SLC6A19: variants seen among roughly 807,000 people sequenced by gnomAD.
SLC6A19 encodes the protein sodium-dependent neutral amino acid transporter B(0)AT1.
A neutral mutation model predicts 68.3 loss-of-function variants in SLC6A19; 67 were observed. That is an observed-to-expected ratio of 0.98 (90% CI 0.81 to 1.20). The LOEUF is 1.20. SLC6A19 is among the 50% of genes most tolerant of loss of function. The pLI, the probability that SLC6A19 is intolerant of heterozygous loss-of-function variation, is 0.00. For synonymous variants in SLC6A19, 392 were observed against 374.9 expected (o/e 1.05, Z -0.53); for missense variants, 813 against 851.6 (o/e 0.95, Z 0.56).
Position 1,221,848 on chromosome 5 carries a change from C to T in SLC6A19, c.1849C>T (p.Gln617Ter). Reference sequence around the variant, plus strand: ...CCACTGCCAGAAGCCAGGGGACCATCAGGGGCTGGTGAGCACACTGTCCAC... The same window carrying T: ...CCACTGCCAGAAGCCAGGGGACCATTAGGGGCTGGTGAGCACACTGTCCAC... Reference protein sequence around the residue: ...RNHCQKPGDHQGLVSTLSTAS... With the variant: ...RNHCQKPGDH The change falls in exon 12 of 12, where the codon CAG becomes TAG. Residue 617 changes from glutamine to a stop codon, truncating the protein, a stop_gained. Coordinates refer to ENST00000304460, the MANE Select transcript of SLC6A19 (RefSeq NM_001003841.3). LOFTEE classifies it high-confidence loss of function. 1 of 1,614,198 alleles carries T rather than the reference C, an allele frequency of 6.2e-7. No homozygotes were observed. The highest frequency in any genetic ancestry group is 8.5e-7 in the Non-Finnish European group (1 of 1,180,036).
At chr5:1,221,591 G>T in intron 11 of SLC6A19, 110 bp from the exon 12 acceptor site, 5 of 1,386,742 alleles carry the variant, frequency 3.6e-6, no homozygotes, top group Non-Finnish European at 4.0e-6. Flanking sequence ...AGGCCACCCT[G>T]CCTGCCCCAC....
rs770197213 is a variant in SLC6A19, at chr5:1,221,699, A to G, written c.1702-2A>G. ...TACTCACCCATGGGGCTCTCTCCCC[A>G]GGAGGAATTTCCCAAATCCCAGAAG... On this transcript the variant is annotated splice_acceptor_variant, in intron 11 of 11. Transcript: ENST00000304460. LOFTEE classifies it high-confidence loss of function. 1.9e-6 allele frequency: 3 copies of G among 1,613,912 alleles called. No individual in the cohort carries two copies. Among genetic ancestry groups the G allele is most frequent in the Non-Finnish European group, 2.5e-6 (3 of 1,179,862 alleles).
In SLC6A19 at chr5:1,212,236, C is replaced by G. The variant is rs1364421444; in HGVS notation, c.482-67C>G. The G allele has an allele frequency of 2.5e-6, 4 of 1,599,166 alleles. No individual in the cohort carries two copies. Among genetic ancestry groups the G allele is most frequent in the Non-Finnish European group, 3.4e-6 (4 of 1,174,140 alleles). On this transcript the variant is annotated intron_variant, in intron 3 of 11. Transcript: ENST00000304460. This position sits in a 1 kb window ranked among gnomAD's most constrained non-coding sequence, Gnocchi z 5.1. ...AACGTGGCTGGCATTTCTTCCAGCTCAGGGCCTTCCATTCTCCTCCCTTGG... is the reference window on the plus strand; with the variant it reads ...AACGTGGCTGGCATTTCTTCCAGCTGAGGGCCTTCCATTCTCCTCCCTTGG...
At chr5:1,210,379 G>T in intron 2 of SLC6A19, 65 bp from the exon 3 acceptor site, 2 of 1,603,126 alleles carry the variant, frequency 1.2e-6, no homozygotes, top group South Asian at 1.1e-5. Flanking sequence ...CCTGCTCAGA[G>T]TGGGGATGGG....
At position 1,210,304 on chromosome 5, in the gene SLC6A19, T is replaced by G; in HGVS notation, c.344-140T>G. ...TCAGCTGCATGATCCCGGCCTGCACTGGGTCGGCCCCTCAGATTCTGGAGT... is the reference window on the plus strand; with the variant it reads ...TCAGCTGCATGATCCCGGCCTGCACGGGGTCGGCCCCTCAGATTCTGGAGT... On this transcript the variant is annotated intron_variant, in intron 2 of 11. Coordinates refer to ENST00000304460, the MANE Select transcript of SLC6A19 (RefSeq NM_001003841.3). The G allele has an allele frequency of 1.1e-5, 13 of 1,235,250 alleles. No homozygotes were observed. The South Asian group carries it at 1.3e-4, about 13-fold the overall frequency. The allele number at this position is 1,235,250 out of a possible 1,614,324, so 76.5% of individuals were successfully genotyped here. A position where few individuals can be genotyped will look rare whatever the true frequency, so the allele number is the denominator to read the frequency against.
At chr5:1,207,038 T>C (rs1745873035) in intron 1 of SLC6A19, among the ~76,000 whole-genome samples, 1 of 152,212 alleles carries the variant, frequency 6.6e-6, no homozygotes, top group Non-Finnish European at 1.5e-5. Context: ...CGACGGGAGC[T>C]GCTTCCGCGT....
rs1579516115 is a variant in SLC6A19, at chr5:1,216,837, G to A, written c.1065G>A (p.Val355=). The stretch of plus-strand genomic sequence containing the variant: ...GGTTCGACCTGCCTGAAGGCAACGT[G>A]ACCCAGGAGAACTTTGTGGACATGC... ...INGFDLPEGN[V]TQENFVDMQQ... The change falls in exon 8 of 12, where the codon GTG becomes GTA. Residue 355 remains valine, a synonymous_variant. Transcript: ENST00000304460. The A allele has an allele frequency of 6.2e-7, 1 of 1,613,808 alleles. No homozygotes were observed. The highest frequency in any genetic ancestry group is 8.5e-7 in the Non-Finnish European group (1 of 1,180,034).
chr5:1,210,702 AG>A (rs1746001251), intron 3 of SLC6A19, 121 bp downstream of exon 3: 1 of 1,423,650 alleles, frequency 7.0e-7, no homozygotes, highest in Admixed American at 1.9e-5. Flanking sequence ...CCAAGGCAAC[AG>A]GGTGTCAAAA....
chr5:1,208,093 T>C (rs1337027676), intron 1 of SLC6A19, among the ~76,000 whole-genome samples: 1 of 152,178 alleles, frequency 6.6e-6, no homozygotes, highest in Non-Finnish European at 1.5e-5. Flanking sequence ...CATGTACAAT[T>C]CAGTGGTATT....
rs1025078570 is a variant in SLC6A19 at position 1,223,358 on chromosome 5, C to G, written c.*1454C>G. 1.3e-5 allele frequency: 2 copies of G among 152,290 alleles called. No individual in the cohort carries two copies. Among genetic ancestry groups the G allele is most frequent in the Admixed American group, 1.3e-4 (2 of 15,288 alleles). 9.4% of individuals were successfully genotyped at this position (152,290 alleles called of 1,614,324 possible). A position where few individuals can be genotyped will look rare whatever the true frequency, so the allele number is the denominator to read the frequency against. On this transcript the variant is annotated 3_prime_UTR_variant, in exon 12 of 12. Transcript: ENST00000304460. ...GGAAAAGATGGGTTACAGGGTAACTCAACCCTGGCTGCCATCCTTGGGCAC... is the reference window on the plus strand; with the variant it reads ...GGAAAAGATGGGTTACAGGGTAACTGAACCCTGGCTGCCATCCTTGGGCAC...
intron 8 of SLC6A19, among the ~76,000 whole-genome samples, chr5:1,218,222 T>G (rs1345967640): frequency 6.6e-6 from 1 of 152,198 alleles, no homozygotes; most frequent in Non-Finnish European, 1.5e-5. Flanking sequence ...TAAGCGGCCG[T>G]GGAGGACCCT....
rs772309142 is a variant in SLC6A19 at position 1,213,454 on chromosome 5, C to T, written c.664-9C>T. The T allele has an allele frequency of 2.5e-6, 4 of 1,595,406 alleles. No homozygotes were observed. Among genetic ancestry groups the T allele is most frequent in the Non-Finnish European group, 3.4e-6 (4 of 1,173,942 alleles). ...TTCCCGCCCATCCCACATGTCCCGC[C>T]CTCCGCAGGCCGTGTACATCACCTC... is the stretch of plus-strand genomic sequence containing the variant. On this transcript the variant is annotated splice_polypyrimidine_tract_variant and intron_variant, in intron 4 of 11. Transcript: ENST00000304460.
chr5:1,204,951 C>A (rs1384803287), intron 1 of SLC6A19, among the ~76,000 whole-genome samples: 1 of 152,258 alleles, frequency 6.6e-6, no homozygotes, highest in Non-Finnish European at 1.5e-5. Flanking sequence ...GTGAGAACTG[C>A]AGCTCCCTCC....
chr5:1,210,854 GC>G (rs1268642344), intron 3 of SLC6A19, among the ~76,000 whole-genome samples: 1 of 152,158 alleles, frequency 6.6e-6, no homozygotes, highest in Non-Finnish European at 1.5e-5. Context: ...CCAGCCTGGA[GC>G]CCCAGGCTGC....
intron 3 of SLC6A19, among the ~76,000 whole-genome samples, chr5:1,210,834 C>T (rs1746008478): frequency 1.3e-5 from 2 of 152,072 alleles, no homozygotes; most frequent in South Asian, 2.1e-4. Flanking sequence ...GCTCTGAGGG[C>T]CCCCGGTCAC....
At chr5:1,210,357 G>C in intron 2 of SLC6A19, 87 bp from the exon 3 acceptor site, 1 of 1,579,258 alleles carries the variant, frequency 6.3e-7, no homozygotes, top group East Asian at 2.3e-5. Context: ...CCCTGTGCCA[G>C]CCCTGGGACC....
chr5:1,217,870 C>T (rs1259453598), intron 8 of SLC6A19, among the ~76,000 whole-genome samples: 1 of 152,232 alleles, frequency 6.6e-6, no homozygotes, highest in Admixed American at 6.5e-5. Flanking sequence ...GCCCCAGGCA[C>T]CCCCTCTGCT....
rs112964913 is a variant in SLC6A19, at chr5:1,207,493, T to C, written c.203-1253T>C. On this transcript the variant is annotated intron_variant, in intron 1 of 11. Transcript: ENST00000304460. ...CCTATGCTTTTCAGCTTTGGTTTTTTAAAAGAGACAGAATTTAAAGATGTG... is the reference window on the plus strand; with the variant it reads ...CCTATGCTTTTCAGCTTTGGTTTTTCAAAAGAGACAGAATTTAAAGATGTG... Among the ~76,000 whole-genome samples, 1,420 of 152,286 alleles carry C rather than the reference T, an allele frequency of 9.3e-3. 30 individuals are homozygous for C. Among genetic ancestry groups the C allele is most frequent in the African/African-American group, 0.032 (1,340 of 41,510 alleles).
At position 1,214,411 on chromosome 5, in the gene SLC6A19, G is replaced by A. The variant is rs1468899021; in HGVS notation, c.887+346G>A. On this transcript the variant is annotated intron_variant, in intron 6 of 11. Transcript: ENST00000304460. This position sits in a 1 kb window ranked among gnomAD's most constrained non-coding sequence, Gnocchi z 7.4. ...CACCCCTGGGCATCCCAGGCCCCCA[G>A]ACATGTGGCGCCCCCGACGCCCTCC... 1.3e-5 allele frequency among the ~76,000 whole-genome samples: 2 copies of A among 152,070 alleles called. No individual in the cohort carries two copies. The highest frequency in any genetic ancestry group is 2.9e-5 in the Non-Finnish European group (2 of 67,994).
Sources: allele counts gnomAD v4.1 joint callset (sites outside exome capture counted in the v4.1 genomes callset), GRCh38; gene constraint gnomAD v4.1.1; non-coding constraint Gnocchi (gnomAD v3.1); transcripts MANE v1.5; gene names NCBI Gene and HGNC (gene_info 2026-07-23, HGNC 2026-07-21).